Variants in FRMD4B observed in about 807,000 individuals in gnomAD.
FRMD4B encodes FERM domain containing 4B.
FRMD4B carries 74 observed loss-of-function variants against 141.5 expected under a neutral mutation model. That is an observed-to-expected ratio of 0.52 (90% CI 0.43 to 0.63). The LOEUF is 0.63. FRMD4B is among the 30% of genes least tolerant of loss of function. FRMD4B has a pLI of 0.00. For missense variants in FRMD4B, 1,366 were observed against 1,253.4 expected (o/e 1.09, Z -1.36); for synonymous variants, 506 against 467.9 (o/e 1.08, Z -1.05).
At chr3:69,510,152 T>A (rs528588835) in intron 1 of FRMD4B, among the ~76,000 whole-genome samples, 4 of 152,162 alleles carry the variant, frequency 2.6e-5, no homozygotes, top group African/African-American at 9.6e-5. Context: ...TAAGACAGGG[T>A]TCTGGGATTA....
chr3:69,217,301 T>C (rs780201930), intron 10 of FRMD4B, among the ~76,000 whole-genome samples: 1 of 152,204 alleles, frequency 6.6e-6, no homozygotes, highest in Admixed American at 6.5e-5. Context: ...GATACCTATA[T>C]GCACACCAGA....
chr3:69,439,054 T>TGC (rs2106856690), intron 1 of FRMD4B, among the ~76,000 whole-genome samples: 1 of 46,806 alleles, frequency 2.1e-5, no homozygotes, highest in East Asian at 1.3e-3. Context: ...CGTGTGCGTG[T>TGC]GTGTGTATGT....
At chr3:69,213,560 G>C (rs1444114647) in intron 11 of FRMD4B, among the ~76,000 whole-genome samples, 1 of 151,718 alleles carries the variant, frequency 6.6e-6, no homozygotes, top group Admixed American at 6.6e-5. Context: ...ATTGATCTTG[G>C]TCACAGAGCT....
chr3:69,283,229 C>T (rs2093652125), intron 5 of FRMD4B, among the ~76,000 whole-genome samples: 1 of 151,640 alleles, frequency 6.6e-6, no homozygotes, highest in Non-Finnish European at 1.5e-5. Context: ...ACTAAAAATA[C>T]AAAACATTAG....
intron 13 of FRMD4B, 113 bp downstream of exon 13, chr3:69,196,787 A>C: frequency 1.3e-6 from 1 of 797,858 alleles, no homozygotes. Flanking sequence ...TAAACGCAAA[A>C]AAATCTCAGA....
intron 1 of FRMD4B, among the ~76,000 whole-genome samples, chr3:69,374,508 T>A (rs1387855021): frequency 6.6e-6 from 1 of 152,110 alleles, no homozygotes; most frequent in East Asian, 1.9e-4. Flanking sequence ...CAGTTGCAAA[T>A]CTCAGGGTCA....
At chr3:69,490,908 C>A (rs575654316) in intron 1 of FRMD4B, among the ~76,000 whole-genome samples, 121 of 152,170 alleles carry the variant, frequency 8.0e-4, no homozygotes, top group African/African-American at 2.8e-3. Flanking sequence ...CTCTCCAAAA[C>A]CCCACCCTCA....
At chr3:69,384,731 G>GGTGACAAGA (rs1326914134) in intron 1 of FRMD4B, among the ~76,000 whole-genome samples, 3 of 152,168 alleles carry the variant, frequency 2.0e-5, no homozygotes, top group African/African-American at 7.2e-5. Flanking sequence ...GGGTGACAAG[G>GGTGACAAGA]GGACGCTGAC....
At chr3:69,431,015 C>G (rs1011481321) in intron 2 of FRMD4B, among the ~76,000 whole-genome samples, 1 of 152,094 alleles carries the variant, frequency 6.6e-6, no homozygotes, top group Admixed American at 6.6e-5. Flanking sequence ...GATACAGGAA[C>G]AAGGGAGGGA....
chr3:69,468,876 G>T lies in FRMD4B; in HGVS notation c.-128-36115C>A, dbSNP rs533756030. On this transcript the variant is annotated intron_variant, in intron 1 of 5. Transcript: ENST00000459638. ...ATTGTGTAAATATGTTTGAGTCCAGGTATCTGTTAATTGCTGCTGAAAATA... is the reference window on the plus strand; with the variant it reads ...ATTGTGTAAATATGTTTGAGTCCAGTTATCTGTTAATTGCTGCTGAAAATA... Among the ~76,000 whole-genome samples, 14 of 152,226 alleles carry T rather than the reference G, an allele frequency of 9.2e-5. No homozygotes were observed. In the South Asian group the frequency reaches 2.9e-3, roughly 32 times the overall value.
chr3:69,359,817 G>C (rs1346305819), intron 1 of FRMD4B, among the ~76,000 whole-genome samples: 2 of 152,144 alleles, frequency 1.3e-5, no homozygotes, highest in East Asian at 3.9e-4. Flanking sequence ...GTAAAATTGA[G>C]TCTCATCTCT....
rs2093094301 is a variant in FRMD4B, at chr3:69,212,384, AAAAAAAAAG to A, written c.876+3870_876+3878del. ...CAAAAAAAAAAAAAAAAAAAAAGAA[AAAAAAAAAG>A]AAAAAAAAGAAAAAAAGCGATAACA... On this transcript the variant is annotated intron_variant, in intron 11 of 22. Coordinates refer to ENST00000398540, the MANE Select transcript of FRMD4B (RefSeq NM_015123.3). 8.7e-5 allele frequency among the ~76,000 whole-genome samples: 12 copies of A among 137,706 alleles called. No individual in the cohort carries two copies. The South Asian group carries it at 1.3e-3, about 15-fold the overall frequency. 90.3% of individuals were successfully genotyped at this position (137,706 alleles called of 152,430 possible). A position where few individuals can be genotyped will look rare whatever the true frequency, so the allele number is the denominator to read the frequency against.
chr3:69,480,234 G>T (rs1384915202), intron 1 of FRMD4B, among the ~76,000 whole-genome samples: 2 of 152,238 alleles, frequency 1.3e-5, no homozygotes, highest in African/African-American at 2.4e-5. Context: ...ATCCAGCTTT[G>T]TTCCATTGCT....
At chr3:69,396,392 T>A (rs1053678746) in intron 2 of FRMD4B, among the ~76,000 whole-genome samples, 3 of 152,052 alleles carry the variant, frequency 2.0e-5, no homozygotes, top group East Asian at 1.9e-4. Flanking sequence ...GTAATCCCAA[T>A]TACTTGGCAG....
chr3:69,245,353 GTT>G (rs201216459), intron 7 of FRMD4B, among the ~76,000 whole-genome samples: 73 of 126,128 alleles, frequency 5.8e-4, no homozygotes, highest in East Asian at 1.8e-3. Context: ...GTGTGTGTGT[GTT>G]TTTAGACAGA....
intron 1 of FRMD4B, among the ~76,000 whole-genome samples, chr3:69,381,509 A>C (rs1343539017): frequency 1.3e-5 from 2 of 152,222 alleles, no homozygotes; most frequent in Non-Finnish European, 2.9e-5. Flanking sequence ...GAAGCAAGAA[A>C]AATGACACCT....
chr3:69,283,340 C>T (rs1036631917), intron 5 of FRMD4B, among the ~76,000 whole-genome samples: 2 of 151,192 alleles, frequency 1.3e-5, no homozygotes, highest in African/African-American at 4.9e-5. Context: ...GCTGAGATTG[C>T]ACCATTGCAC....
At chr3:69,384,497 G>C (rs1005482082) in intron 1 of FRMD4B, among the ~76,000 whole-genome samples, 2 of 152,164 alleles carry the variant, frequency 1.3e-5, no homozygotes, top group Admixed American at 1.3e-4. Flanking sequence ...GAAAAAAAAG[G>C]CTTGAAAGAC....
At chr3:69,174,144 A>G (rs1034189812) in intron 22 of FRMD4B, among the ~76,000 whole-genome samples, 2 of 662 alleles carry the variant, frequency 3.0e-3, no homozygotes, top group Admixed American at 0.17. Context: ...CTTGGGAAGA[A>G]AAAAAAAAAA....
Sources: allele counts gnomAD v4.1 joint callset (sites outside exome capture counted in the v4.1 genomes callset), GRCh38; gene constraint gnomAD v4.1.1; transcripts MANE v1.5; gene names NCBI Gene and HGNC (gene_info 2026-07-23, HGNC 2026-07-21).